The following PGS1 variants were observed in gnomAD, a reference collection of about 807,000 sequenced individuals.
The protein encoded by PGS1 is phosphatidylglycerophosphate synthase 1.
Under a neutral mutation model 58.3 loss-of-function variants are expected in PGS1, and 44 were observed. The ratio of observed to expected loss-of-function variants is 0.75; its 90% CI spans 0.59 to 0.97. The LOEUF (loss-of-function observed/expected upper bound fraction) is 0.97, where lower values mean the gene tolerates loss of function less well. Ranked by LOEUF, PGS1 falls within the 50% of genes least tolerant of loss-of-function variation. The pLI is 0.00. For synonymous variants in PGS1, 330 were observed against 311.0 expected (o/e 1.06, Z -0.64); for missense variants, 684 against 731.1 (o/e 0.94, Z 0.74).
At chr17:78,411,902 CTTTTTTTTTTT>C (rs35472026) in intron 7 of PGS1, among the ~76,000 whole-genome samples, 21 of 58,008 alleles carry the variant, frequency 3.6e-4, no homozygotes, top group South Asian at 1.1e-3. Flanking sequence ...AGGGCTCCTG[CTTTTTTTTTTT>C]TTTTTTTTTT....
chr17:78,418,343 G>A (rs2085385696), intron 8 of PGS1, among the ~76,000 whole-genome samples: 1 of 152,124 alleles, frequency 6.6e-6, no homozygotes, highest in South Asian at 2.1e-4. Flanking sequence ...AACCACTGAA[G>A]CCATTGTGAT....
intron 7 of PGS1, among the ~76,000 whole-genome samples, chr17:78,411,643 G>A (rs529481852): frequency 1.1e-4 from 17 of 152,168 alleles, no homozygotes; most frequent in Admixed American, 2.0e-4. Flanking sequence ...CCTGCTGCAC[G>A]TCTCCCTCAT....
Position 78,403,881 on chromosome 17 carries a change from G to A in PGS1, c.1194G>A (p.Leu398=). 6.2e-7 allele frequency: 1 copy of A among 1,614,156 alleles called. No homozygotes were observed. The highest frequency in any genetic ancestry group is 8.5e-7 in the Non-Finnish European group (1 of 1,179,954). The stretch of plus-strand genomic sequence containing the variant: ...ACCTGACCCAGGCCTACATGGACCT[G>A]GTCTTGGGCACTCGGGCTGAGTACC... ...YFNLTQAYMD[L]VLGTRAEYQI... The change falls in exon 7 of 10, where the codon CTG becomes CTA. Residue 398 remains leucine, a synonymous_variant. Transcript: ENST00000262764.
chr17:78,381,311 C>G (rs1461614309), intron 1 of PGS1, among the ~76,000 whole-genome samples: 1 of 152,178 alleles, frequency 6.6e-6, no homozygotes, highest in East Asian at 1.9e-4. Flanking sequence ...ACAGTTCAAC[C>G]AGCAACTCAG....
intron 1 of PGS1, among the ~76,000 whole-genome samples, chr17:78,383,251 CT>C (rs148101901): frequency 0.42 from 61,617 of 146,358 alleles, 13,796 homozygotes; most frequent in Admixed American, 0.51. Flanking sequence ...ATTTTCTTTC[CT>C]TTTTTTTTTT....
chr17:78,388,947 G>T (rs1379191501), intron 1 of PGS1, among the ~76,000 whole-genome samples: 1 of 151,320 alleles, frequency 6.6e-6, no homozygotes, highest in Non-Finnish European at 1.5e-5. Flanking sequence ...ACCCTCCATG[G>T]TATGTCATAT....
chr17:78,416,162 G>A (rs1371677417), intron 8 of PGS1, among the ~76,000 whole-genome samples: 1 of 152,184 alleles, frequency 6.6e-6, no homozygotes, highest in African/African-American at 2.4e-5. Flanking sequence ...AGGAAGTGAA[G>A]CGGTCATCCT....
intron 1 of PGS1, among the ~76,000 whole-genome samples, chr17:78,380,581 T>A (rs2146032101): frequency 6.6e-6 from 1 of 152,350 alleles, no homozygotes; most frequent in South Asian, 2.1e-4. Flanking sequence ...AAAGACCTGC[T>A]CATCTCTGGG....
chr17:78,419,333 G>C (rs1276320232), intron 8 of PGS1, among the ~76,000 whole-genome samples: 2 of 152,222 alleles, frequency 1.3e-5, no homozygotes, highest in Admixed American at 6.5e-5. Context: ...TAGGAACACG[G>C]CTTCTTAGCT....
chr17:78,379,678 C>T (rs1038433819), intron 1 of PGS1, among the ~76,000 whole-genome samples: 24 of 151,868 alleles, frequency 1.6e-4, no homozygotes, highest in Non-Finnish European at 3.1e-4. Context: ...ACAAAATTAG[C>T]TGGGCATGGT....
intron 1 of PGS1, among the ~76,000 whole-genome samples, chr17:78,388,651 C>T (rs1389919886): frequency 6.6e-6 from 1 of 151,990 alleles, no homozygotes; most frequent in Non-Finnish European, 1.5e-5. Flanking sequence ...AGCCCAGTTT[C>T]TTCTGCTTAC....
At chr17:78,406,315 C>T (rs1213261939) in intron 7 of PGS1, among the ~76,000 whole-genome samples, 1 of 151,782 alleles carries the variant, frequency 6.6e-6, no homozygotes, top group Non-Finnish European at 1.5e-5. Context: ...GAGACTCTGT[C>T]TCAAAAAAAG....
chr17:78,420,002 A>G (rs867578961), intron 9 of PGS1: 1 of 1,152,976 alleles, frequency 8.7e-7, no homozygotes, highest in Non-Finnish European at 1.1e-6. Flanking sequence ...GGGCTCAGGG[A>G]TGAGGGGGCA....
chr17:78,398,046 G>C (rs541868515), intron 3 of PGS1: 4 of 638,342 alleles, frequency 6.3e-6, no homozygotes, highest in South Asian at 5.9e-5. Context: ...GGCCTGGGCC[G>C]ATCAGGCCCC....
intron 9 of PGS1, among the ~76,000 whole-genome samples, chr17:78,422,452 T>G (rs962701568): frequency 3.3e-5 from 5 of 152,202 alleles, no homozygotes; most frequent in African/African-American, 1.2e-4. Flanking sequence ...TTTGCAAAAC[T>G]TGATGATCAA....
chr17:78,387,598 C>CTTTT (rs34252361), intron 1 of PGS1, among the ~76,000 whole-genome samples: 2 of 104,268 alleles, frequency 1.9e-5, no homozygotes, highest in East Asian at 2.9e-4. Context: ...CGCGCCCAGC[C>CTTTT]TTTTTTTTTT....
intron 6 of PGS1, among the ~76,000 whole-genome samples, chr17:78,401,167 C>T (rs73998885): frequency 5.3e-5 from 8 of 152,242 alleles, no homozygotes; most frequent in South Asian, 4.1e-4. Context: ...TATGCAGCAG[C>T]GTGTCCTAGT....
intron 1 of PGS1, among the ~76,000 whole-genome samples, chr17:78,383,716 A>T (rs892495573): frequency 6.6e-6 from 1 of 152,166 alleles, no homozygotes; most frequent in African/African-American, 2.4e-5. Context: ...TGGGAAGGGG[A>T]TATTTAGAAT....
intron 9 of PGS1, chr17:78,420,298 C>T (rs2085597094): frequency 3.5e-6 from 3 of 868,376 alleles, no homozygotes; most frequent in Non-Finnish European, 4.2e-6. Context: ...ACCAGAGGCA[C>T]CAGTGGGGTC....
Sources: gnomAD v4.1 joint callset for allele counts (sites outside exome capture counted in the v4.1 genomes callset) on GRCh38, gnomAD v4.1.1 for gene constraint, MANE v1.5 for transcripts, NCBI Gene and HGNC (gene_info 2026-07-23, HGNC 2026-07-21) for gene names.